The following STON2 variants were observed in gnomAD, a reference collection of about 807,000 sequenced individuals.
The protein encoded by STON2 is stonin-2.
Under a neutral mutation model 65.7 loss-of-function variants are expected in STON2, and 29 were observed. The observed-to-expected ratio is 0.44, with a 90% CI of 0.33 to 0.60. The LOEUF (loss-of-function observed/expected upper bound fraction) is 0.60, where lower values mean the gene tolerates loss of function less well. Ranked by LOEUF, STON2 falls within the 20% of genes least tolerant of loss-of-function variation. The pLI, the probability that STON2 is intolerant of heterozygous loss-of-function variation, is 0.03. For synonymous variants in STON2, 404 were observed against 414.2 expected, an observed-to-expected ratio of 0.98 and a Z score of 0.30; for missense variants, 1,054 against 1,118.1, an observed-to-expected ratio of 0.94 and a Z score of 0.82.
At chr14:81,281,424 T>C (rs1895113910) in intron 5 of STON2, among the ~76,000 whole-genome samples, 1 of 152,236 alleles carries the variant, frequency 6.6e-6, no homozygotes, top group Non-Finnish European at 1.5e-5. Context: ...CATCAACTTC[T>C]AATGAGGCAG....
At chr14:81,299,166 C>T (rs1895876976) in intron 5 of STON2, among the ~76,000 whole-genome samples, 3 of 152,200 alleles carry the variant, frequency 2.0e-5, no homozygotes, top group African/African-American at 7.2e-5. Context: ...CATGCCTGGG[C>T]TTGTCTTAGG....
intron 6 of STON2, among the ~76,000 whole-genome samples, chr14:81,274,377 A>T (rs956829448): frequency 6.6e-6 from 1 of 152,222 alleles, no homozygotes; most frequent in Non-Finnish European, 1.5e-5. Flanking sequence ...CTGGAAACAG[A>T]TATGTAAAAC....
At chr14:81,317,158 C>T (rs1896655558) in intron 5 of STON2, among the ~76,000 whole-genome samples, 1 of 152,196 alleles carries the variant, frequency 6.6e-6, no homozygotes, top group South Asian at 2.1e-4. Context: ...GGGGAGAAGG[C>T]ATGTCACGTG....
rs75807370 is a variant in STON2 at position 81,372,102 on chromosome 14, C to G, written c.374-917G>C. Among the ~76,000 whole-genome samples, 853 of 152,324 alleles carry G rather than the reference C, an allele frequency of 5.6e-3. 6 individuals are homozygous for G. The highest frequency in any genetic ancestry group is 0.019 in the African/African-American group (790 of 41,572). On this transcript the variant is annotated intron_variant, in intron 3 of 7. Transcript: ENST00000614646. ...ACCTTTAAGGGGAAAATGTACAAAA[C>G]TTGGCTTTATCTCCTTAGTCTTGAG...
Position 81,270,680 on chromosome 14 carries a change from T to C in STON2, c.2774A>G (p.Tyr925Cys), listed in dbSNP as rs1193517079. 1.9e-6 allele frequency: 3 copies of C among 1,614,074 alleles called. No homozygotes were observed. The highest frequency in any genetic ancestry group is 2.5e-6 in the Non-Finnish European group (3 of 1,180,052). ...GCTTCCCAAGGCTACCTGGTAGCTG[T>C]AGTGTGCAGAATAATTGACCCACTT... ...VRKWVNYSAH[Y>C]SYQVEIEQKK... The change falls in exon 7 of 8, where the codon TAC becomes TGC. Residue 925 changes from tyrosine (Y) to cysteine (C), a missense_variant. Physicochemically the swap from Tyr to Cys is radical, Grantham distance 194. Transcript: ENST00000614646.
At chr14:81,276,769 T>C in intron 6 of STON2, 132 bp downstream of exon 6, 1 of 1,056,088 alleles carries the variant, frequency 9.5e-7, no homozygotes, top group Non-Finnish European at 1.4e-6. Context: ...TTTACTTTTC[T>C]GGTCCCACTC....
At chr14:81,382,948 C>T (rs535836465) in intron 3 of STON2, among the ~76,000 whole-genome samples, 4 of 152,246 alleles carry the variant, frequency 2.6e-5, no homozygotes, top group South Asian at 2.1e-4. Context: ...TAGAAATCTC[C>T]GATAAGTTAT....
At chr14:81,398,670 C>T in intron 1 of STON2, 90 bp from the exon 2 acceptor site, 1 of 270,516 alleles carries the variant, frequency 3.7e-6, no homozygotes. Context: ...TAGCGCTGCC[C>T]ACAAGAAGGC....
intron 6 of STON2, among the ~76,000 whole-genome samples, chr14:81,276,207 C>T (rs1343966183): frequency 6.6e-6 from 1 of 152,228 alleles, no homozygotes; most frequent in Non-Finnish European, 1.5e-5. Context: ...CACTCAAGCA[C>T]AAAAGCATCC....
At chr14:81,318,171 C>T (rs1382376663) in intron 5 of STON2, among the ~76,000 whole-genome samples, 3 of 152,058 alleles carry the variant, frequency 2.0e-5, no homozygotes, top group Non-Finnish European at 4.4e-5. Context: ...ACCATGTTGG[C>T]CAGGCTAATC....
At chr14:81,323,108 C>A (rs1386628488) in intron 5 of STON2, among the ~76,000 whole-genome samples, 2 of 152,154 alleles carry the variant, frequency 1.3e-5, no homozygotes, top group Non-Finnish European at 2.9e-5. Flanking sequence ...GAATATCTTC[C>A]CAGGTATTAA....
intron 2 of STON2, among the ~76,000 whole-genome samples, chr14:81,397,297 A>T (rs1900374903): frequency 6.6e-6 from 1 of 152,226 alleles, no homozygotes; most frequent in African/African-American, 2.4e-5. Context: ...CTACATATGT[A>T]ATTTTAAATT....
chr14:81,349,971 T>C (rs1315218477), intron 4 of STON2, among the ~76,000 whole-genome samples: 1 of 152,020 alleles, frequency 6.6e-6, no homozygotes, highest in Admixed American at 6.6e-5. Context: ...TGAAATAAGA[T>C]AGGCACAGAA....
chr14:81,428,131 C>A (rs1015117180), intron 1 of STON2, among the ~76,000 whole-genome samples: 12 of 152,172 alleles, frequency 7.9e-5, no homozygotes, highest in African/African-American at 2.9e-4. Flanking sequence ...TAAAACTCAA[C>A]GCATGATAGC....
rs758449434 is a variant in STON2, at chr14:81,395,956, T to C, written c.311A>G (p.Gln104Arg). The change falls in exon 3 of 8, where the codon CAG becomes CGG. Residue 104 changes from glutamine (Q) to arginine (R), a missense_variant. Coordinates refer to ENST00000614646, the MANE Select transcript of STON2 (RefSeq NM_001394390.1). ...DLASAISNWV[Q>R]FEDDTPWAST... Reference sequence around the variant, plus strand: ...GGCCCAGGGTGTGTCATCTTCAAACTGAACCCAGTTGCTGATGGCCGAGGC... The same window carrying C: ...GGCCCAGGGTGTGTCATCTTCAAACCGAACCCAGTTGCTGATGGCCGAGGC... 2 of 1,614,148 alleles carry C rather than the reference T, an allele frequency of 1.2e-6. No individual in the cohort carries two copies. The highest frequency in any genetic ancestry group is 1.7e-5 in the Admixed American group (1 of 60,024).
At chr14:81,368,208 G>T (rs1898825969) in intron 4 of STON2, among the ~76,000 whole-genome samples, 1 of 152,232 alleles carries the variant, frequency 6.6e-6, no homozygotes, top group East Asian at 1.9e-4. Flanking sequence ...GCTGGAAAAG[G>T]ATTTGGAAGT....
At chr14:81,321,685 T>C (rs1056586700) in intron 5 of STON2, among the ~76,000 whole-genome samples, 11 of 152,202 alleles carry the variant, frequency 7.2e-5, no homozygotes, top group African/African-American at 2.4e-4. Context: ...TTCAAGCAGA[T>C]GTTGCATTCA....
At position 81,262,030 on chromosome 14, in the gene STON2, G is replaced by C. The variant is rs1420329558; in HGVS notation, c.*6384C>G. ...CCAATCTTCAAAATTTAAATTTCTT[G>C]GTTCTTATAAACATAGGAAGAGTCA... On this transcript the variant is annotated 3_prime_UTR_variant, in exon 8 of 8. Coordinates refer to ENST00000614646, the MANE Select transcript of STON2 (RefSeq NM_001394390.1). 130 of 1,367,014 alleles carry C rather than the reference G, an allele frequency of 9.5e-5. No homozygotes were observed. Among genetic ancestry groups the C allele is most frequent in the Non-Finnish European group, 1.2e-4 (126 of 1,065,918 alleles). 84.7% of individuals were successfully genotyped at this position (1,367,014 alleles called of 1,614,324 possible). A position where few individuals can be genotyped will look rare whatever the true frequency, so the allele number is the denominator to read the frequency against.
At position 81,268,234 on chromosome 14, in the gene STON2, G is replaced by C. The variant is rs1468880845; in HGVS notation, c.*180C>G. 4.8e-5 allele frequency: 56 copies of C among 1,155,868 alleles called. No homozygotes were observed. The highest frequency in any genetic ancestry group is 5.6e-5 in the Non-Finnish European group (52 of 926,522). The allele number at this position is 1,155,868 out of a possible 1,614,324, so 71.6% of individuals were successfully genotyped here. A position where few individuals can be genotyped will look rare whatever the true frequency, so the allele number is the denominator to read the frequency against. On this transcript the variant is annotated 3_prime_UTR_variant, in exon 8 of 8. Coordinates refer to ENST00000614646, the MANE Select transcript of STON2 (RefSeq NM_001394390.1). ...GCCTCTCCAAAAGCCACCATTCTCA[G>C]GGTTTCCTGGTAAAATACAAGTAAC...
Sources: gnomAD v4.1 joint callset for allele counts (sites outside exome capture counted in the v4.1 genomes callset) on GRCh38, gnomAD v4.1.1 for gene constraint, MANE v1.5 for transcripts, NCBI Gene and HGNC (gene_info 2026-07-23, HGNC 2026-07-21) for gene names.